The following PLPP1 variants were observed in gnomAD, a reference collection of about 807,000 sequenced individuals.
PLPP1 encodes lipid phosphate phosphohydrolase 1a.
A neutral mutation model predicts 31.2 loss-of-function variants in PLPP1; 24 were observed. That is an observed-to-expected ratio of 0.77 (90% CI 0.56 to 1.08). The LOEUF (loss-of-function observed/expected upper bound fraction) is 1.08. Among genes scored for constraint, PLPP1 ranks in the 50% least tolerant of loss-of-function variants. The probability of loss-of-function intolerance (pLI) is 0.00; values close to 1 mark genes in which losing one functional copy is unlikely to be tolerated. For synonymous variants in PLPP1, 146 were observed against 126.3 expected (o/e 1.16, Z -1.05); for missense variants, 319 against 342.7 (o/e 0.93, Z 0.55).
At chr5:55,474,628 G>C (rs1211252297) in intron 2 of PLPP1, among the ~76,000 whole-genome samples, 1 of 152,084 alleles carries the variant, frequency 6.6e-6, no homozygotes, top group Admixed American at 6.6e-5. Context: ...TCCTGTGTAT[G>C]ATATGATCTA....
chr5:55,494,731 C>T (rs10079783), intron 1 of PLPP1, among the ~76,000 whole-genome samples: 1 of 151,914 alleles, frequency 6.6e-6, no homozygotes, highest in South Asian at 2.1e-4. Context: ...GTCTATCACG[C>T]TGTACTTTAA....
At chr5:55,525,468 A>G (rs750825573) in intron 1 of PLPP1, among the ~76,000 whole-genome samples, 12 of 152,220 alleles carry the variant, frequency 7.9e-5, no homozygotes, top group Non-Finnish European at 1.8e-4. Context: ...TTCATAGCTT[A>G]TAAGGAACAA....
At chr5:55,449,219 A>G (rs1195402869) in intron 3 of PLPP1, among the ~76,000 whole-genome samples, 1 of 152,228 alleles carries the variant, frequency 6.6e-6, no homozygotes, top group African/African-American at 2.4e-5. Flanking sequence ...ATATAAAAAT[A>G]CATAGCAAAA....
At chr5:55,455,043 A>T (rs1055845602) in intron 3 of PLPP1, among the ~76,000 whole-genome samples, 1 of 152,240 alleles carries the variant, frequency 6.6e-6, no homozygotes, top group Non-Finnish European at 1.5e-5. Flanking sequence ...TTAAGAAAGG[A>T]AATTTATTTC....
chr5:55,478,582 G>C (rs1013948961), intron 1 of PLPP1, among the ~76,000 whole-genome samples: 2 of 152,134 alleles, frequency 1.3e-5, no homozygotes, highest in African/African-American at 2.4e-5. Context: ...ACAAAACACT[G>C]TACAGGATGT....
chr5:55,503,977 CT>C (rs1326621334), intron 1 of PLPP1, among the ~76,000 whole-genome samples: 2 of 150,884 alleles, frequency 1.3e-5, no homozygotes, highest in Non-Finnish European at 3.0e-5. Flanking sequence ...GATTATGGAC[CT>C]CCTTAAGACT....
At chr5:55,467,622 G>A (rs527887987) in intron 3 of PLPP1, among the ~76,000 whole-genome samples, 120 of 151,538 alleles carry the variant, frequency 7.9e-4, no homozygotes, top group African/African-American at 2.8e-3. Context: ...GATCTATAAG[G>A]TTCATTTAAC....
chr5:55,532,067 T>C (rs577277630), intron 1 of PLPP1, among the ~76,000 whole-genome samples: 37 of 152,354 alleles, frequency 2.4e-4, no homozygotes, highest in African/African-American at 8.9e-4. Flanking sequence ...TTTATCTTAT[T>C]GACAGCTATT....
intron 3 of PLPP1, among the ~76,000 whole-genome samples, chr5:55,447,911 A>C (rs1751803198): frequency 6.6e-6 from 1 of 151,918 alleles, no homozygotes; most frequent in South Asian, 2.1e-4. Flanking sequence ...CTCTAAATGC[A>C]AAAAAAAGGA....
intron 1 of PLPP1, among the ~76,000 whole-genome samples, chr5:55,508,580 CAAGT>C (rs1348686467): frequency 6.6e-5 from 10 of 152,096 alleles, no homozygotes; most frequent in African/African-American, 2.4e-4. Flanking sequence ...TCAGAAAGGA[CAAGT>C]AACTTAATTA....
At chr5:55,445,286 C>T (rs190105344) in intron 3 of PLPP1, among the ~76,000 whole-genome samples, 38 of 152,222 alleles carry the variant, frequency 2.5e-4, no homozygotes, top group African/African-American at 9.1e-4. Context: ...CCTCATAAAT[C>T]GCAAAGACAC....
chr5:55,501,953 C>A (rs1753155999), intron 1 of PLPP1, among the ~76,000 whole-genome samples: 1 of 152,118 alleles, frequency 6.6e-6, no homozygotes, highest in Non-Finnish European at 1.5e-5. Flanking sequence ...GTCACCACTT[C>A]TTGAAAAATC....
chr5:55,441,932 T>G, intron 3 of PLPP1, 24 bp from the exon 4 acceptor site: 1 of 1,608,082 alleles, frequency 6.2e-7, no homozygotes, highest in Non-Finnish European at 8.5e-7. Context: ...AAGACAAATG[T>G]TACTTTTCTC....
intron 3 of PLPP1, among the ~76,000 whole-genome samples, chr5:55,462,466 T>C (rs991844857): frequency 6.6e-6 from 1 of 152,202 alleles, no homozygotes; most frequent in Non-Finnish European, 1.5e-5. Flanking sequence ...TTGACCCTTT[T>C]TGTCACATTA....
At chr5:55,445,526 G>T in intron 3 of PLPP1, among the ~76,000 whole-genome samples, 1 of 132,176 alleles carries the variant, frequency 7.6e-6, no homozygotes. Context: ...TCTTTATTTT[G>T]CATTCACTCT....
At chr5:55,489,426 A>G (rs918378697) in intron 1 of PLPP1, among the ~76,000 whole-genome samples, 2 of 152,238 alleles carry the variant, frequency 1.3e-5, no homozygotes, top group African/African-American at 4.8e-5. Flanking sequence ...CTGAATAACT[A>G]AAATTTAAGT....
intron 1 of PLPP1, among the ~76,000 whole-genome samples, chr5:55,528,436 C>T (rs1003031188): frequency 1.3e-5 from 2 of 152,204 alleles, no homozygotes; most frequent in African/African-American, 4.8e-5. Context: ...ACTCTGAGCC[C>T]TTCAGGGCAG....
intron 3 of PLPP1, among the ~76,000 whole-genome samples, chr5:55,446,933 C>T (rs1436267741): frequency 6.6e-6 from 1 of 152,208 alleles, no homozygotes; most frequent in Non-Finnish European, 1.5e-5. Context: ...AGTGTCTATG[C>T]CACCAGGAAC....
chr5:55,456,336 G>A (rs1468756949), intron 3 of PLPP1, among the ~76,000 whole-genome samples: 1 of 151,958 alleles, frequency 6.6e-6, no homozygotes, highest in African/African-American at 2.4e-5. Flanking sequence ...GAGAGTCAAT[G>A]GGAAAAAATC....
Sources: gnomAD v4.1 joint callset for allele counts (sites outside exome capture counted in the v4.1 genomes callset) on GRCh38, gnomAD v4.1.1 for gene constraint, MANE v1.5 for transcripts, NCBI Gene and HGNC (gene_info 2026-07-23, HGNC 2026-07-21) for gene names.